The following SNRPN variants were observed in gnomAD, a reference collection of about 807,000 sequenced individuals.
SNRPN encodes small nuclear ribonucleoprotein polypeptide N.
SNRPN carries 7 observed loss-of-function variants against 25.2 expected under a neutral mutation model. That is an observed-to-expected ratio of 0.28 (90% CI 0.16 to 0.52). The LOEUF is 0.52. Ranked by LOEUF, SNRPN falls within the 20% of genes least tolerant of loss-of-function variation. SNRPN has a pLI of 0.96. For synonymous variants in SNRPN, 124 were observed against 110.6 expected (o/e 1.12, Z -0.76); for missense variants, 196 against 322.5 (o/e 0.61, Z 3.00).
chr15:24,907,053 AAGAGGTGGAC>A (rs889897458), intron 2 of SNRPN, among the ~76,000 whole-genome samples: 1 of 152,234 alleles, frequency 6.6e-6, no homozygotes, highest in Non-Finnish European at 1.5e-5. Context: ...AATGCCAAAA[AAGAGGTGGAC>A]AGAGTTGGCA....
In SNRPN at chr15:24,978,312, A is replaced by G. The variant is rs2077297476; in HGVS notation, c.679A>G (p.Ile227Val). ...PPGMRPPPPG[I>V]RGPPPPGMRP... is the part of the protein sequence containing the mutation. Reference sequence around the variant, plus strand: ...GGGAATGAGACCCCCTCCACCAGGCATTAGAGGTGAGTGGGAGCATAGGGG... The same window carrying G: ...GGGAATGAGACCCCCTCCACCAGGCGTTAGAGGTGAGTGGGAGCATAGGGG... The change falls in exon 9 of 10, where the codon ATT (isoleucine) becomes GTT (valine). Residue 227 changes from isoleucine to valine, a missense_variant. Coordinates refer to ENST00000390687, the MANE Select transcript of SNRPN (RefSeq NM_003097.6). The G allele has an allele frequency of 6.2e-7, 1 of 1,614,126 alleles. No homozygotes were observed. The highest frequency in any genetic ancestry group is 8.5e-7 in the Non-Finnish European group (1 of 1,180,016).
intron 3 of SNRPN, among the ~76,000 whole-genome samples, chr15:24,949,259 T>G (rs1444337264): frequency 2.6e-5 from 4 of 151,996 alleles, no homozygotes; most frequent in Non-Finnish European, 5.9e-5. Flanking sequence ...TGACCTTAGG[T>G]GATCCACCTG....
chr15:24,875,342 A>G (rs1466306647), intron 1 of SNRPN, among the ~76,000 whole-genome samples: 1 of 152,226 alleles, frequency 6.6e-6, no homozygotes, highest in Non-Finnish European at 1.5e-5. Context: ...TACATCAACT[A>G]TGTTAGAATA....
chr15:24,973,326 A>G (rs2076672104), intron 3 of SNRPN, among the ~76,000 whole-genome samples: 1 of 152,222 alleles, frequency 6.6e-6, no homozygotes, highest in Admixed American at 6.5e-5. Context: ...TTGTGTAAGT[A>G]CACTGTTCAT....
chr15:24,827,484 C>G (rs1241800145), intron 1 of SNRPN, among the ~76,000 whole-genome samples: 1 of 139,382 alleles, frequency 7.2e-6, no homozygotes, highest in South Asian at 2.3e-4. Context: ...CCACTGCACT[C>G]TGGCCTGGGT....
intron 3 of SNRPN, among the ~76,000 whole-genome samples, chr15:24,926,773 G>C (rs1484683422): frequency 6.6e-6 from 1 of 152,100 alleles, no homozygotes; most frequent in Non-Finnish European, 1.5e-5. Context: ...GGGAGGCTGA[G>C]ATGGGTGGAT....
In SNRPN at chr15:24,838,708, T is replaced by A. The variant is rs529468900; in HGVS notation, c.-579+8803T>A. 3.0e-4 allele frequency among the ~76,000 whole-genome samples: 46 copies of A among 152,172 alleles called. 1 individual carries two copies. The highest frequency in any genetic ancestry group is 1.0e-3 in the Admixed American group (16 of 15,296). On this transcript the variant is annotated intron_variant, in intron 2 of 12. Transcript: ENST00000400100. ...ATAGATCTAAACAAGTTGATTTCAG[T>A]CATCCAGTCCAGCAAGGGAGGACAT...
chr15:24,957,501 T>A (rs190661147), intron 1 of SNRPN, among the ~76,000 whole-genome samples: 9 of 152,340 alleles, frequency 5.9e-5, no homozygotes, highest in South Asian at 2.1e-4. Context: ...AGTACTTTTT[T>A]AAAAAATCAT....
chr15:24,869,354 T>A (rs2054873385), intron 1 of SNRPN, among the ~76,000 whole-genome samples: 2 of 152,324 alleles, frequency 1.3e-5, no homozygotes. Flanking sequence ...GTGGGTGATA[T>A]TTGTCACAAT....
chr15:24,872,541 T>A (rs1341321448), intron 1 of SNRPN, among the ~76,000 whole-genome samples: 1 of 94,000 alleles, frequency 1.1e-5, no homozygotes. Context: ...AGGTTGGGAG[T>A]TCGAGACCAG....
At chr15:24,956,590 C>T (rs1013692342) in intron 1 of SNRPN, among the ~76,000 whole-genome samples, 3 of 152,154 alleles carry the variant, frequency 2.0e-5, no homozygotes, top group South Asian at 4.1e-4. Context: ...TGGGGCGAGA[C>T]GTGGGGCAGG....
At chr15:24,852,643 G>A (rs535698031), upstream of SNRPN, among the ~76,000 whole-genome samples, 3 of 152,304 alleles carry the variant, frequency 2.0e-5, no homozygotes, top group Non-Finnish European at 2.9e-5. Flanking sequence ...AGGGCTGGAC[G>A]CAGTGGCTTA....
chr15:24,867,545 T>G (rs1257846047), intron 1 of SNRPN, among the ~76,000 whole-genome samples: 1 of 152,064 alleles, frequency 6.6e-6, no homozygotes. Context: ...CAGCTAATTT[T>G]TTGTATTTTT....
intron 2 of SNRPN, among the ~76,000 whole-genome samples, chr15:24,900,505 A>C (rs956534557): frequency 6.6e-6 from 1 of 152,076 alleles, no homozygotes; most frequent in African/African-American, 2.4e-5. Flanking sequence ...CCTTGCACAA[A>C]AGCTGGGTTA....
rs541110408 is a variant in SNRPN, at chr15:24,860,163, C to G, written c.-579+3447C>G. Among the ~76,000 whole-genome samples, 41 of 152,230 alleles carry G rather than the reference C, an allele frequency of 2.7e-4. No homozygotes were observed. In the South Asian group the frequency reaches 5.2e-3, roughly 19 times the overall value. On this transcript the variant is annotated intron_variant, in intron 1 of 11. Transcript: ENST00000400097. ...TGCCAAGCAATGCTGCAATCAGGGG[C>G]TCTGGATTTCAGTCCTCCATACAGA...
intron 1 of SNRPN, among the ~76,000 whole-genome samples, chr15:24,870,757 AT>A (rs2055019083): frequency 6.6e-6 from 1 of 150,478 alleles, no homozygotes; most frequent in Admixed American, 6.7e-5. Context: ...TTTCTTATTC[AT>A]TTTTCTTATT....
At chr15:24,886,073 G>C (rs973882224) in intron 1 of SNRPN, among the ~76,000 whole-genome samples, 1 of 152,072 alleles carries the variant, frequency 6.6e-6, no homozygotes, top group African/African-American at 2.4e-5. Context: ...GCTCCGGAAC[G>C]TTCTCTTAAC....
intron 3 of SNRPN, among the ~76,000 whole-genome samples, chr15:24,926,139 G>A (rs1383105519): frequency 2.6e-5 from 4 of 152,080 alleles, no homozygotes; most frequent in Non-Finnish European, 5.9e-5. Flanking sequence ...TGCTGAGATT[G>A]CAGGCATGAG....
chr15:24,876,196 T>A (rs1312878330), intron 1 of SNRPN, among the ~76,000 whole-genome samples: 3 of 152,220 alleles, frequency 2.0e-5, no homozygotes, highest in Non-Finnish European at 4.4e-5. Context: ...ACTAATGTCT[T>A]TATCACTTGT....
Sources: allele counts gnomAD v4.1 joint callset (sites outside exome capture counted in the v4.1 genomes callset), GRCh38; gene constraint gnomAD v4.1.1; transcripts MANE v1.5; gene names NCBI Gene and HGNC (gene_info 2026-07-23, HGNC 2026-07-21).